Variants in LRRC4C observed in about 807,000 individuals in gnomAD.
LRRC4C encodes leucine rich repeat containing 4C.
Under a neutral mutation model 33.6 loss-of-function variants are expected in LRRC4C, and 5 were observed. That is an observed-to-expected ratio of 0.15 (90% CI 0.08 to 0.31). The LOEUF is 0.31. Ranked by LOEUF, LRRC4C falls within the 10% of genes least tolerant of loss-of-function variation. The pLI, the probability that LRRC4C is intolerant of heterozygous loss-of-function variation, is 1.00. For synonymous variants in LRRC4C, 329 were observed against 302.0 expected (o/e 1.09, Z -0.93); for missense variants, 560 against 796.7 (o/e 0.70, Z 3.58).
rs533912350 is a variant in LRRC4C, at chr11:40,299,677, T to C, written c.-176+19951A>G. ...TTATTTTAACATGTATTGGGACCTA[T>C]GTTGCTTAACACAGTGCCTGGTCCT... On this transcript the variant is annotated intron_variant, in intron 4 of 6. Coordinates refer to ENST00000528697, the MANE Select transcript of LRRC4C (RefSeq NM_001258419.2). Among the ~76,000 whole-genome samples the C allele has an allele frequency of 1.1e-4, 17 of 152,354 alleles. 1 individual carries two copies. The East Asian group carries it at 2.5e-3, about 22-fold the overall frequency.
chr11:40,421,394 G>T (rs1317618060), intron 3 of LRRC4C, among the ~76,000 whole-genome samples: 1 of 152,188 alleles, frequency 6.6e-6, no homozygotes, highest in Non-Finnish European at 1.5e-5. Context: ...CAGCTGTCTG[G>T]TGGCCTTTGT....
At chr11:40,183,479 G>A (rs934059452) in intron 5 of LRRC4C, among the ~76,000 whole-genome samples, 2 of 152,176 alleles carry the variant, frequency 1.3e-5, no homozygotes, top group Admixed American at 1.3e-4. Flanking sequence ...CACAGAACCT[G>A]CTGCCAAAGA....
intron 1 of LRRC4C, among the ~76,000 whole-genome samples, chr11:41,169,790 T>C (rs1050645414): frequency 6.6e-6 from 1 of 152,162 alleles, no homozygotes; most frequent in Non-Finnish European, 1.5e-5. Context: ...TAAAAGCAAG[T>C]AAATGCTGCA....
At chr11:40,685,445 A>G (rs1319610647) in intron 2 of LRRC4C, among the ~76,000 whole-genome samples, 1 of 152,068 alleles carries the variant, frequency 6.6e-6, no homozygotes, top group East Asian at 1.9e-4. Context: ...CAGAAATTAT[A>G]AACAAGATTT....
chr11:41,110,026 C>A (rs769581212), intron 1 of LRRC4C, among the ~76,000 whole-genome samples: 2 of 151,978 alleles, frequency 1.3e-5, no homozygotes, highest in East Asian at 3.9e-4. Flanking sequence ...TGGTTAATAC[C>A]TCACAGTTTA....
intron 2 of LRRC4C, among the ~76,000 whole-genome samples, chr11:40,780,635 A>G (rs1222135949): frequency 6.6e-6 from 1 of 152,150 alleles, no homozygotes; most frequent in Admixed American, 6.5e-5. Flanking sequence ...AAGGGTCATC[A>G]CCAAAGCCCT....
chr11:41,230,825 C>A lies in LRRC4C; in HGVS notation c.-496+228606G>T, dbSNP rs191973857. Among the ~76,000 whole-genome samples, 4 of 145,218 alleles carry A rather than the reference C, an allele frequency of 2.8e-5. No individual in the cohort carries two copies. In the South Asian group the frequency reaches 8.8e-4, roughly 32 times the overall value. ...ACCATCAGAGTGAACAGGCAACCTACAGAATGGGAGAAAATTTTGCAATCT... is the reference window on the plus strand; with the variant it reads ...ACCATCAGAGTGAACAGGCAACCTAAAGAATGGGAGAAAATTTTGCAATCT... On this transcript the variant is annotated intron_variant, in intron 1 of 6. Coordinates refer to ENST00000528697, the MANE Select transcript of LRRC4C (RefSeq NM_001258419.2).
intron 3 of LRRC4C, among the ~76,000 whole-genome samples, chr11:40,337,044 G>C (rs1946657692): frequency 6.7e-6 from 1 of 149,844 alleles, no homozygotes; most frequent in Admixed American, 6.7e-5. Context: ...AGAGTGGTCA[G>C]GGACGTCCTC....
intron 1 of LRRC4C, among the ~76,000 whole-genome samples, chr11:41,017,273 A>G (rs1055401869): frequency 6.6e-6 from 1 of 152,218 alleles, no homozygotes; most frequent in Non-Finnish European, 1.5e-5. Context: ...ACCACTTCTC[A>G]GTTACTGATA....
chr11:40,630,436 TAGTC>T (rs1963391948), intron 3 of LRRC4C, among the ~76,000 whole-genome samples: 1 of 146,990 alleles, frequency 6.8e-6, no homozygotes, highest in East Asian at 2.0e-4. Flanking sequence ...TTTTTTTTGA[TAGTC>T]AGTTTACCAC....
At chr11:41,365,863 A>G (rs1286464464) in intron 1 of LRRC4C, among the ~76,000 whole-genome samples, 1 of 152,190 alleles carries the variant, frequency 6.6e-6, no homozygotes, top group African/African-American at 2.4e-5. Context: ...AGGCAACACT[A>G]AAGTTGAATT....
chr11:40,665,337 T>TATATATATAC, intron 2 of LRRC4C, among the ~76,000 whole-genome samples: 1 of 10,280 alleles, frequency 9.7e-5, no homozygotes, highest in Non-Finnish European at 2.3e-4. Context: ...TATATATATA[T>TATATATATAC]ATATATATAT....
At chr11:40,156,175 C>T (rs905766350) in intron 5 of LRRC4C, among the ~76,000 whole-genome samples, 2 of 152,020 alleles carry the variant, frequency 1.3e-5, no homozygotes, top group African/African-American at 4.8e-5. Context: ...AAACTTTCAG[C>T]AAAATCAGCA....
At position 40,928,705 on chromosome 11, in the gene LRRC4C, T is replaced by C. The variant is rs368331003; in HGVS notation, c.-407+4930A>G. Among the ~76,000 whole-genome samples, 4 of 152,250 alleles carry C rather than the reference T, an allele frequency of 2.6e-5. No homozygotes were observed. The East Asian group carries it at 5.8e-4, about 22-fold the overall frequency. On this transcript the variant is annotated intron_variant, in intron 2 of 6. Coordinates refer to ENST00000528697, the MANE Select transcript of LRRC4C (RefSeq NM_001258419.2). ...AAATTACTAAAATCATTTAATAATT[T>C]TGACTATTATAAAACTATGTAGAAA... is the stretch of plus-strand genomic sequence containing the variant.
chr11:40,902,954 T>C (rs909834067), intron 2 of LRRC4C, among the ~76,000 whole-genome samples: 10 of 152,150 alleles, frequency 6.6e-5, no homozygotes, highest in Non-Finnish European at 1.5e-4. Flanking sequence ...CCGGAAGATC[T>C]AGTTAAGATC....
At chr11:40,975,495 CT>C (rs1289188328) in intron 1 of LRRC4C, among the ~76,000 whole-genome samples, 6 of 152,222 alleles carry the variant, frequency 3.9e-5, no homozygotes, top group African/African-American at 1.4e-4. Flanking sequence ...CTTTAAAATA[CT>C]ACCTCAGGAT....
intron 3 of LRRC4C, among the ~76,000 whole-genome samples, chr11:40,330,391 G>A (rs963061540): frequency 3.3e-5 from 5 of 152,122 alleles, no homozygotes; most frequent in South Asian, 4.1e-4. Context: ...TTTGATGCAT[G>A]TATACAATGT....
chr11:40,768,422 T>G (rs1232986579), intron 2 of LRRC4C, among the ~76,000 whole-genome samples: 1 of 152,018 alleles, frequency 6.6e-6, no homozygotes, highest in Non-Finnish European at 1.5e-5. Flanking sequence ...CTCAAACTAT[T>G]CTAAATGATA....
At chr11:40,970,268 T>A (rs1305683315) in intron 1 of LRRC4C, among the ~76,000 whole-genome samples, 1 of 152,146 alleles carries the variant, frequency 6.6e-6, no homozygotes, top group African/African-American at 2.4e-5. Flanking sequence ...GAAAACTGAT[T>A]GGTTCATGGG....
Sources: gnomAD v4.1 joint callset for allele counts (sites outside exome capture counted in the v4.1 genomes callset) on GRCh38, gnomAD v4.1.1 for gene constraint, MANE v1.5 for transcripts, NCBI Gene and HGNC (gene_info 2026-07-23, HGNC 2026-07-21) for gene names.